Variants in FAT4 observed in about 807,000 individuals in gnomAD.
The protein encoded by FAT4 is protocadherin Fat 4.
Under a neutral mutation model 303.9 loss-of-function variants are expected in FAT4, and 84 were observed. That is an observed-to-expected ratio of 0.28 (90% CI 0.23 to 0.33). The LOEUF is 0.33. FAT4 is among the 10% of genes least tolerant of loss of function. The pLI, the probability that FAT4 is intolerant of heterozygous loss-of-function variation, is 1.00. For missense variants in FAT4, 6,005 were observed against 6,146.8 expected, an observed-to-expected ratio of 0.98 and a Z score of 0.77; for synonymous variants, 2,307 against 2,298.8, an observed-to-expected ratio of 1.00 and a Z score of -0.10.
chr4:125,396,639 C>T (rs958425026), intron 2 of FAT4, among the ~76,000 whole-genome samples: 10 of 152,062 alleles, frequency 6.6e-5, no homozygotes, highest in African/African-American at 2.2e-4. Flanking sequence ...CGCATGCATG[C>T]GAGCACACAT....
In FAT4 at chr4:125,321,065, G is replaced by A. The variant is rs1730919856; in HGVS notation, c.4654G>A (p.Ala1552Thr). 6.2e-7 allele frequency: 1 copy of A among 1,614,156 alleles called. No homozygotes were observed. The highest frequency in any genetic ancestry group is 1.1e-5 in the South Asian group (1 of 91,080). ...TGGTTCCGTTCTGACAACAATTATG[G>A]CTGCTGACCCAGATGAAGGTGCTAA... ...VIGSVLTTIM[A>T]ADPDEGANGE... The change falls in exon 2 of 18, where the codon GCT (alanine) becomes ACT (threonine). Residue 1552 changes from alanine to threonine, a missense_variant. Physicochemically the swap from Ala to Thr is moderately conservative, Grantham distance 58. Transcript: ENST00000394329.
At position 125,448,918 on chromosome 4, in the gene FAT4, A is replaced by G. The variant is rs1725929372; in HGVS notation, c.7908A>G (p.Lys2636=). The G allele has an allele frequency of 1.2e-6, 2 of 1,612,696 alleles. No individual in the cohort carries two copies. The highest frequency in any genetic ancestry group is 2.7e-5 in the African/African-American group (2 of 74,880). Residue 2636 remains lysine, a synonymous_variant, in exon 10 of 18, where the codon AAA becomes AAG. Transcript: ENST00000394329. ...SQPLDFEKIQ[K]YVVWIEARDG... ...CTCTGGATTTTGAAAAGATACAAAA[A>G]TATGTTGTATGGATAGAGGCCAGAG...
In FAT4 at chr4:125,336,866, G is replaced by A. The variant is rs191566702; in HGVS notation, c.5175+15280G>A. ...ATTAGGCAGAACTAGAGTGATAGGC[G>A]GGAACTCATTGTTGATTTTCAACTT... is the stretch of plus-strand genomic sequence containing the variant. On this transcript the variant is annotated intron_variant, in intron 2 of 17. Coordinates refer to ENST00000394329, the MANE Select transcript of FAT4 (RefSeq NM_001291303.3). Among the ~76,000 whole-genome samples the A allele has an allele frequency of 1.8e-3, 269 of 151,958 alleles. 1 individual carries two copies. Among genetic ancestry groups the A allele is most frequent in the African/African-American group, 5.8e-3 (242 of 41,492 alleles).
intron 17 of FAT4, among the ~76,000 whole-genome samples, chr4:125,489,250 T>G (rs1727518566): frequency 6.6e-6 from 1 of 152,218 alleles, no homozygotes; most frequent in South Asian, 2.1e-4. Flanking sequence ...TGTAATGAAG[T>G]GTTTCTTAAC....
At position 125,472,875 on chromosome 4, in the gene FAT4, C is replaced by CTG. The variant is rs1726911369; in HGVS notation, c.12214-3296_12214-3295insTG. 4.6e-5 allele frequency among the ~76,000 whole-genome samples: 7 copies of CTG among 152,202 alleles called. No individual in the cohort carries two copies. In the South Asian group the frequency reaches 1.4e-3, roughly 32 times the overall value. Reference sequence around the variant, plus strand: ...CCATCAAACTGCATTCAGGGTCCTACCAGGTTATTAAATGTATGTTACTTG... The same window carrying CTG: ...CCATCAAACTGCATTCAGGGTCCTACTGCAGGTTATTAAATGTATGTTACTTG... On this transcript the variant is annotated intron_variant, in intron 12 of 17. Coordinates refer to ENST00000394329, the MANE Select transcript of FAT4 (RefSeq NM_001291303.3).
At chr4:125,344,338 A>G (rs1212646039) in intron 2 of FAT4, among the ~76,000 whole-genome samples, 1 of 152,176 alleles carries the variant, frequency 6.6e-6, no homozygotes, top group Non-Finnish European at 1.5e-5. Context: ...ATTAAACAGC[A>G]TGAACATAGT....
At chr4:125,390,108 G>T (rs763404315) in intron 2 of FAT4, among the ~76,000 whole-genome samples, 2 of 152,076 alleles carry the variant, frequency 1.3e-5, no homozygotes, top group Non-Finnish European at 2.9e-5. Context: ...TCCTTTCGTG[G>T]CAATACAGCT....
intron 2 of FAT4, among the ~76,000 whole-genome samples, chr4:125,322,786 C>T (rs911938808): frequency 6.6e-6 from 1 of 151,268 alleles, no homozygotes; most frequent in South Asian, 2.1e-4. Flanking sequence ...TTGGTTATGT[C>T]TATCTATGGA....
Position 125,320,607 on chromosome 4 carries a change from CT to C in FAT4, c.4197del (p.Arg1400ValfsTer11). On this transcript the variant is annotated frameshift_variant, in exon 2 of 18. Coordinates refer to ENST00000394329, the MANE Select transcript of FAT4 (RefSeq NM_001291303.3). LOFTEE classifies it high-confidence loss of function. ...NITAKDQGRP[P>X]RSSTMSVVIH... ...ACAGCAAAAGACCAAGGAAGACCTC[CT>C]CGTTCATCTACAATGTCAGTGGTTA... 1 of 1,614,152 alleles carries C rather than the reference CT, an allele frequency of 6.2e-7. No homozygotes were observed. Among genetic ancestry groups the C allele is most frequent in the Non-Finnish European group, 8.5e-7 (1 of 1,179,974 alleles).
chr4:125,373,441 G>A (rs1733200150), intron 2 of FAT4, among the ~76,000 whole-genome samples: 1 of 152,040 alleles, frequency 6.6e-6, no homozygotes. Context: ...GTTTTAAAAA[G>A]TTTGATATTT....
chr4:125,455,298 C>A (rs527348970), intron 10 of FAT4, among the ~76,000 whole-genome samples: 52 of 152,272 alleles, frequency 3.4e-4, no homozygotes, highest in Non-Finnish European at 6.5e-4. Context: ...CTGATTTTAG[C>A]ATAAATGATG....
intron 2 of FAT4, among the ~76,000 whole-genome samples, chr4:125,353,726 T>C (rs886755637): frequency 1.3e-5 from 2 of 151,722 alleles, no homozygotes; most frequent in African/African-American, 4.8e-5. Context: ...ATATGACTTA[T>C]ATGCATACAT....
chr4:125,449,730 G>C lies in FAT4; in HGVS notation c.8720G>C (p.Gly2907Ala), dbSNP rs373621513. The change falls in exon 10 of 18, where the codon GGA (glycine) becomes GCA (alanine). Residue 2907 changes from glycine (G) to alanine (A), a missense_variant. Gly to Ala is a moderately conservative substitution (Grantham distance 60). Transcript: ENST00000394329. ...ACAGATCCTGATGAGGGATCAAATG[G>C]ACAAGTGTTTTATTTCATAAAATCC... ...FATDPDEGSN[G>A]QVFYFIKSQS... is the part of the protein sequence containing the mutation. The C allele has an allele frequency of 2.5e-6, 4 of 1,613,682 alleles. No homozygotes were observed. The African/African-American group carries it at 4.0e-5, about 16-fold the overall frequency.
chr4:125,400,726 T>A (rs1734357862), intron 3 of FAT4, among the ~76,000 whole-genome samples: 1 of 140,372 alleles, frequency 7.1e-6, no homozygotes, highest in African/African-American at 2.6e-5. Context: ...TAAAAAAAAA[T>A]GTAAGTAACC....
At chr4:125,436,284 A>G (rs1199255010) in intron 8 of FAT4, among the ~76,000 whole-genome samples, 1 of 152,210 alleles carries the variant, frequency 6.6e-6, no homozygotes. Flanking sequence ...TAGGCAGATC[A>G]TGATATGATA....
intron 2 of FAT4, among the ~76,000 whole-genome samples, chr4:125,384,159 C>T (rs186864362): frequency 2.6e-5 from 4 of 152,146 alleles, no homozygotes; most frequent in African/African-American, 7.2e-5. Context: ...TTTGTGCAAA[C>T]ATGTTTCATT....
intron 10 of FAT4, among the ~76,000 whole-genome samples, chr4:125,457,877 T>G (rs938952010): frequency 6.6e-6 from 1 of 152,130 alleles, no homozygotes; most frequent in East Asian, 1.9e-4. Context: ...AGTATTTATT[T>G]TCATATACAA....
intron 7 of FAT4, among the ~76,000 whole-genome samples, chr4:125,433,322 G>A (rs1209535958): frequency 6.6e-6 from 1 of 152,194 alleles, no homozygotes; most frequent in Admixed American, 6.5e-5. Flanking sequence ...AGTATCTTAA[G>A]CAGAAAAGGA....
intron 8 of FAT4, among the ~76,000 whole-genome samples, chr4:125,440,610 T>TGTGTGTGAGA (rs372756130): frequency 4.5e-3 from 344 of 75,750 alleles, no homozygotes; most frequent in Non-Finnish European, 4.6e-3. Context: ...TGTGTGTGTG[T>TGTGTGTGAGA]GAGAGAGAGA....
Sources: allele counts gnomAD v4.1 joint callset (sites outside exome capture counted in the v4.1 genomes callset), GRCh38; gene constraint gnomAD v4.1.1; transcripts MANE v1.5; gene names NCBI Gene and HGNC (gene_info 2026-07-23, HGNC 2026-07-21).